The following MAGI2 variants were observed in gnomAD, a reference collection of about 807,000 sequenced individuals.
MAGI2 encodes membrane associated guanylate kinase, WW and PDZ domain containing 2.
Under a neutral mutation model 133.3 loss-of-function variants are expected in MAGI2, and 35 were observed. The ratio of observed to expected loss-of-function variants is 0.26; its 90% CI spans 0.20 to 0.35. The LOEUF (loss-of-function observed/expected upper bound fraction) is 0.35. Ranked by LOEUF, MAGI2 falls within the 10% of genes least tolerant of loss-of-function variation. The probability of loss-of-function intolerance (pLI) is 1.00; values close to 1 mark genes in which losing one functional copy is unlikely to be tolerated. For synonymous variants in MAGI2, 729 were observed against 710.6 expected (o/e 1.03, Z -0.41); for missense variants, 1,636 against 1,863.4 (o/e 0.88, Z 2.25).
At position 78,704,593 on chromosome 7, in the gene MAGI2, T is replaced by G. The variant is rs192316495; in HGVS notation, c.419-77354A>C. On this transcript the variant is annotated intron_variant, in intron 2 of 21. Transcript: ENST00000354212. ...AAATACACAAAGGTATAGAGACACA[T>G]GCATGCACATGTTCATCACAGCACT... Among the ~76,000 whole-genome samples, 22 of 152,128 alleles carry G rather than the reference T, an allele frequency of 1.4e-4. No homozygotes were observed. In the East Asian group the frequency reaches 3.9e-3, roughly 27 times the overall value.
intron 7 of MAGI2, among the ~76,000 whole-genome samples, chr7:78,363,702 T>C (rs544802736): frequency 1.3e-5 from 2 of 152,138 alleles, no homozygotes; most frequent in East Asian, 3.9e-4. Flanking sequence ...TTCTACATAT[T>C]ATTGGTATAT....
chr7:78,852,190 T>G (rs1793198894), intron 2 of MAGI2, among the ~76,000 whole-genome samples: 1 of 152,166 alleles, frequency 6.6e-6, no homozygotes. Context: ...ATATTTTTAT[T>G]GCCCCATTGC....
intron 2 of MAGI2, among the ~76,000 whole-genome samples, chr7:78,916,215 T>G: frequency 6.6e-6 from 1 of 151,992 alleles, no homozygotes; most frequent in East Asian, 1.9e-4. Flanking sequence ...TATCTTGGGG[T>G]TTTTTTAAAT....
At chr7:78,860,074 T>C (rs972674592) in intron 2 of MAGI2, among the ~76,000 whole-genome samples, 1 of 152,234 alleles carries the variant, frequency 6.6e-6, no homozygotes, top group African/African-American at 2.4e-5. Flanking sequence ...TCTCGTGCCA[T>C]GGTTTTCAGC....
intron 2 of MAGI2, among the ~76,000 whole-genome samples, chr7:78,785,019 C>T (rs542099142): frequency 2.6e-5 from 4 of 152,212 alleles, no homozygotes; most frequent in African/African-American, 4.8e-5. Flanking sequence ...TTTCTTCATG[C>T]GTATATGTGA....
intron 1 of MAGI2, among the ~76,000 whole-genome samples, chr7:79,112,585 T>C (rs1819019173): frequency 1.3e-5 from 2 of 152,236 alleles, no homozygotes; most frequent in Admixed American, 1.3e-4. Flanking sequence ...ACTATTGTTA[T>C]AATCCAAATC....
chr7:79,145,083 C>T (rs1207935774), intron 1 of MAGI2, among the ~76,000 whole-genome samples: 2 of 151,996 alleles, frequency 1.3e-5, no homozygotes, highest in Admixed American at 6.6e-5. Flanking sequence ...AGGAGCTGAC[C>T]TGGGCTTTAG....
chr7:79,376,706 T>G (rs1347252863), intron 1 of MAGI2, among the ~76,000 whole-genome samples: 1 of 151,876 alleles, frequency 6.6e-6, no homozygotes, highest in African/African-American at 2.4e-5. Context: ...ATTTTAAAGT[T>G]ATTTGTTTCA....
chr7:78,696,926 C>T (rs1422024728), intron 2 of MAGI2, among the ~76,000 whole-genome samples: 2 of 152,156 alleles, frequency 1.3e-5, no homozygotes, highest in African/African-American at 4.8e-5. Flanking sequence ...CTAGAGACCA[C>T]CAATCCAGCC....
chr7:79,338,951 T>C, intron 1 of MAGI2, among the ~76,000 whole-genome samples: 1 of 152,146 alleles, frequency 6.6e-6, no homozygotes, highest in Admixed American at 6.6e-5. Flanking sequence ...CAAGTGGTAT[T>C]AGCTACCAAA....
rs1830489521 is a variant in MAGI2 at position 79,222,154 on chromosome 7, CCTT to C, written c.302-214951_302-214949del. Among the ~76,000 whole-genome samples the C allele has an allele frequency of 2.6e-5, 4 of 151,930 alleles. No individual in the cohort carries two copies. The South Asian group carries it at 8.3e-4, about 31-fold the overall frequency. On this transcript the variant is annotated intron_variant, in intron 1 of 21. Transcript: ENST00000354212. Reference sequence around the variant, plus strand: ...TAATTAATATCCAGAGGAAACCAGTCCTTCTATGACCTCATATTAAACAGAAAG... The same window carrying C: ...TAATTAATATCCAGAGGAAACCAGTCCTATGACCTCATATTAAACAGAAAG...
In MAGI2 at chr7:79,244,453, G is replaced by T. The variant is rs893673766; in HGVS notation, c.301+208567C>A. ...GAGAGAGTCTGTGCAACTGGGGGAGGGAGAGTGCAGTGATTGTGGGACTTT... is the reference window on the plus strand; with the variant it reads ...GAGAGAGTCTGTGCAACTGGGGGAGTGAGAGTGCAGTGATTGTGGGACTTT... On this transcript the variant is annotated intron_variant, in intron 1 of 21. Coordinates refer to ENST00000354212, the MANE Select transcript of MAGI2 (RefSeq NM_012301.4). Among the ~76,000 whole-genome samples the T allele has an allele frequency of 5.9e-5, 9 of 152,282 alleles. No individual in the cohort carries two copies. The South Asian group carries it at 1.0e-3, about 18-fold the overall frequency.
At chr7:78,906,545 G>A (rs1344525018) in intron 2 of MAGI2, among the ~76,000 whole-genome samples, 1 of 152,138 alleles carries the variant, frequency 6.6e-6, no homozygotes, top group African/African-American at 2.4e-5. Context: ...TACCAACATG[G>A]TTTATAATAT....
chr7:79,387,922 T>C (rs957488363), intron 1 of MAGI2, among the ~76,000 whole-genome samples: 1 of 152,000 alleles, frequency 6.6e-6, no homozygotes, highest in Non-Finnish European at 1.5e-5. Flanking sequence ...TTAAAACTTT[T>C]GAACACTTTT....
chr7:78,326,890 T>C (rs1014117181), intron 9 of MAGI2, among the ~76,000 whole-genome samples: 18 of 152,178 alleles, frequency 1.2e-4, no homozygotes, highest in African/African-American at 4.3e-4. Flanking sequence ...CTTCAAGGTC[T>C]AGTTCTTCCA....
At chr7:79,103,816 C>A (rs913814584) in intron 1 of MAGI2, among the ~76,000 whole-genome samples, 2 of 152,094 alleles carry the variant, frequency 1.3e-5, no homozygotes, top group Non-Finnish European at 2.9e-5. Context: ...TCTACTGCCT[C>A]AGCCTCCCGA....
intron 2 of MAGI2, among the ~76,000 whole-genome samples, chr7:78,715,403 G>T (rs918637235): frequency 6.6e-6 from 1 of 152,040 alleles, no homozygotes; most frequent in Non-Finnish European, 1.5e-5. Context: ...AGTTTCCTTG[G>T]TTTTATCATT....
At chr7:79,277,593 A>G (rs1351548132) in intron 1 of MAGI2, among the ~76,000 whole-genome samples, 1 of 152,122 alleles carries the variant, frequency 6.6e-6, no homozygotes, top group Non-Finnish European at 1.5e-5. Flanking sequence ...ATTTAACTGA[A>G]AATACTACCC....
At chr7:79,092,306 C>T (rs1325252089) in intron 1 of MAGI2, among the ~76,000 whole-genome samples, 1 of 152,062 alleles carries the variant, frequency 6.6e-6, no homozygotes, top group African/African-American at 2.4e-5. Context: ...CTGTGAAGTT[C>T]CTAAAACATA....
Sources: gnomAD v4.1 joint callset for allele counts (sites outside exome capture counted in the v4.1 genomes callset) on GRCh38, gnomAD v4.1.1 for gene constraint, MANE v1.5 for transcripts, NCBI Gene and HGNC (gene_info 2026-07-23, HGNC 2026-07-21) for gene names.